The following EYA2 variants were observed in gnomAD, a reference collection of about 807,000 sequenced individuals.
The protein encoded by EYA2 is protein phosphatase EYA2.
EYA2 carries 31 observed loss-of-function variants against 69.2 expected under a neutral mutation model. The observed-to-expected ratio is 0.45, with a 90% CI of 0.34 to 0.60. The LOEUF is 0.60. Among genes scored for constraint, EYA2 ranks in the 20% least tolerant of loss-of-function variants. EYA2 has a pLI of 0.02. For missense variants in EYA2, 622 were observed against 701.2 expected, an observed-to-expected ratio of 0.89 and a Z score of 1.28; for synonymous variants, 257 against 279.4, an observed-to-expected ratio of 0.92 and a Z score of 0.80.
intron 5 of EYA2, among the ~76,000 whole-genome samples, chr20:47,032,240 C>A (rs1984458764): frequency 6.6e-6 from 1 of 152,220 alleles, no homozygotes; most frequent in African/African-American, 2.4e-5. Flanking sequence ...TTCCACCCAC[C>A]TTTGAGTTAT....
At chr20:46,900,228 A>G (rs1568657983) in intron 1 of EYA2, among the ~76,000 whole-genome samples, 1 of 152,214 alleles carries the variant, frequency 6.6e-6, no homozygotes, top group Non-Finnish European at 1.5e-5. Context: ...AGGAAAAATG[A>G]TAAAATCAAC....
rs898933837 is a variant in EYA2 at position 47,117,579 on chromosome 20, A to G, written c.888+20411A>G. On this transcript the variant is annotated intron_variant, in intron 9 of 15. Coordinates refer to ENST00000327619, the MANE Select transcript of EYA2 (RefSeq NM_005244.5). ...ACCCAGCACAGGACTGTAGGGATTCAATCAGATCCAGTTGGCGATAGGCGG... is the reference window on the plus strand; with the variant it reads ...ACCCAGCACAGGACTGTAGGGATTCGATCAGATCCAGTTGGCGATAGGCGG... 3.0e-6 allele frequency: 3 copies of G among 985,280 alleles called. No individual in the cohort carries two copies. In the African/African-American group the frequency reaches 5.2e-5, roughly 17 times the overall value. The allele number at this position is 985,280 out of a possible 1,614,324, so 61.0% of individuals were successfully genotyped here.
At chr20:47,097,023 G>T in intron 8 of EYA2, 62 bp from the exon 9 acceptor site, 2 of 1,195,066 alleles carry the variant, frequency 1.7e-6, no homozygotes, top group South Asian at 2.6e-5. Context: ...AATTTCTGCA[G>T]ACATTAAGTC....
chr20:47,004,843 A>G (rs1447887072), intron 3 of EYA2, 99 bp from the exon 4 acceptor site: 1 of 1,511,842 alleles, frequency 6.6e-7, no homozygotes, highest in East Asian at 2.3e-5. Context: ...CTCTGGAAAG[A>G]GTAGAACCCC....
At chr20:46,957,631 G>A (rs1191666252) in intron 1 of EYA2, among the ~76,000 whole-genome samples, 2 of 151,628 alleles carry the variant, frequency 1.3e-5, no homozygotes, top group African/African-American at 4.8e-5. Context: ...CTTGAAGCTT[G>A]GAGTGATGCA....
chr20:46,954,605 G>A (rs965246158), intron 1 of EYA2, among the ~76,000 whole-genome samples: 4 of 152,190 alleles, frequency 2.6e-5, no homozygotes, highest in African/African-American at 9.7e-5. Context: ...ATGCCGATGA[G>A]TGGCCAGTGT....
intron 5 of EYA2, among the ~76,000 whole-genome samples, chr20:47,053,979 C>A (rs1600673032): frequency 6.6e-6 from 1 of 151,760 alleles, no homozygotes; most frequent in East Asian, 2.0e-4. Flanking sequence ...GCCTCAGTTT[C>A]CCCATTTGTA....
At chr20:46,912,927 C>G (rs1984725001) in intron 1 of EYA2, among the ~76,000 whole-genome samples, 1 of 151,724 alleles carries the variant, frequency 6.6e-6, no homozygotes, top group Non-Finnish European at 1.5e-5. Context: ...GTCTCGATCT[C>G]CTGACCTCAT....
intron 10 of EYA2, among the ~76,000 whole-genome samples, chr20:47,150,893 GGGAGCCTGGGAAATGTAGTCTTTATTCT>G (rs1287178076): frequency 1.3e-5 from 2 of 151,996 alleles, no homozygotes; most frequent in East Asian, 3.9e-4. Context: ...TCCAAGGCAA[GGGAGCCTGGGAAATGTAGTCTTTATTCT>G]GGACAGTCAC....
intron 5 of EYA2, among the ~76,000 whole-genome samples, chr20:47,063,223 T>G (rs183297491): frequency 4.6e-5 from 7 of 152,242 alleles, no homozygotes; most frequent in Non-Finnish European, 8.8e-5. Flanking sequence ...TGTCTAATAC[T>G]CCATCCCCCA....
chr20:47,099,820 T>C (rs1175112249), intron 9 of EYA2, among the ~76,000 whole-genome samples: 2 of 1,024 alleles, frequency 2.0e-3, no homozygotes, highest in Admixed American at 0.017. Context: ...GTCATAATTA[T>C]GTTTATTTTT....
chr20:46,899,293 A>G (rs879301807), intron 1 of EYA2, among the ~76,000 whole-genome samples: 23 of 152,174 alleles, frequency 1.5e-4, no homozygotes, highest in Non-Finnish European at 2.9e-4. Flanking sequence ...CACAGAACAC[A>G]GTTATTTTCT....
intron 7 of EYA2, among the ~76,000 whole-genome samples, chr20:47,076,295 A>G (rs2031515502): frequency 6.6e-6 from 1 of 152,246 alleles, no homozygotes; most frequent in Non-Finnish European, 1.5e-5. Context: ...CGCTTTCCAC[A>G]GTGGCTGAAC....
At chr20:47,126,062 C>T (rs912133891) in intron 9 of EYA2, among the ~76,000 whole-genome samples, 3 of 152,132 alleles carry the variant, frequency 2.0e-5, no homozygotes, top group Admixed American at 6.5e-5. Context: ...GGTCTGCAGA[C>T]GGGCAGGTCT....
intron 2 of EYA2, 78 bp downstream of exon 2, chr20:46,990,197 A>G: frequency 2.6e-6 from 2 of 775,314 alleles, no homozygotes; most frequent in Non-Finnish European, 2.3e-6. Context: ...AGCAACAGAC[A>G]CGCATCCTTT....
intron 5 of EYA2, among the ~76,000 whole-genome samples, chr20:47,068,464 T>A (rs2031194245): frequency 6.6e-6 from 1 of 152,198 alleles, no homozygotes; most frequent in Admixed American, 6.5e-5. Flanking sequence ...CCATAAAGAA[T>A]TTGGCATGGA....
At position 47,188,424 on chromosome 20, in the gene EYA2, T is replaced by TG; in HGVS notation, c.*297dup. 1.8e-6 allele frequency: 1 copy of TG among 553,360 alleles called. No homozygotes were observed. 34.3% of individuals were successfully genotyped at this position (553,360 alleles called of 1,614,324 possible). On this transcript the variant is annotated 3_prime_UTR_variant, in exon 16 of 16. Transcript: ENST00000327619. ...GAACAAAAGCAAGGAATTGCTGATT[T>TG]GGGGGGTGCCTGGTGATGAGGAGGG... is the stretch of plus-strand genomic sequence containing the variant.
At chr20:47,079,475 C>T (rs1276113270) in intron 7 of EYA2, among the ~76,000 whole-genome samples, 1 of 152,186 alleles carries the variant, frequency 6.6e-6, no homozygotes, top group Non-Finnish European at 1.5e-5. Context: ...GTCTCATCTC[C>T]TTCTCTAACT....
chr20:46,930,347 A>G (rs1985614190), intron 1 of EYA2, among the ~76,000 whole-genome samples: 1 of 152,252 alleles, frequency 6.6e-6, no homozygotes, highest in South Asian at 2.1e-4. Context: ...TTATAATATT[A>G]TTTCCTTTAA....
Sources: gnomAD v4.1 joint callset for allele counts (sites outside exome capture counted in the v4.1 genomes callset) on GRCh38, gnomAD v4.1.1 for gene constraint, MANE v1.5 for transcripts, NCBI Gene and HGNC (gene_info 2026-07-23, HGNC 2026-07-21) for gene names.